DYM: variants seen among roughly 807,000 people sequenced by gnomAD.
The protein encoded by DYM is dyggve-Melchior-Clausen syndrome protein.
A neutral mutation model predicts 93.1 loss-of-function variants in DYM; 78 were observed. That is an observed-to-expected ratio of 0.84 (90% CI 0.70 to 1.01). DYM has a LOEUF of 1.01. DYM is among the 50% of genes least tolerant of loss of function. The pLI is 0.00. For synonymous variants in DYM, 321 were observed against 319.7 expected, an observed-to-expected ratio of 1.00 and a Z score of -0.04; for missense variants, 789 against 845.0, an observed-to-expected ratio of 0.93 and a Z score of 0.82.
intron 17 of DYM, among the ~76,000 whole-genome samples, chr18:49,080,052 G>A (rs1385269077): frequency 6.1e-5 from 9 of 148,016 alleles, no homozygotes; most frequent in Non-Finnish European, 1.2e-4. Context: ...CTTCCTAGTA[G>A]GGGTGGCCGG....
chr18:49,308,578 T>C (rs1024646481), intron 8 of DYM, among the ~76,000 whole-genome samples: 4 of 152,164 alleles, frequency 2.6e-5, no homozygotes, highest in African/African-American at 9.7e-5. Flanking sequence ...TATCAGCTAT[T>C]TCATGTCTGT....
At chr18:49,165,962 T>C (rs2087809611) in intron 14 of DYM, among the ~76,000 whole-genome samples, 1 of 151,946 alleles carries the variant, frequency 6.6e-6, no homozygotes, top group South Asian at 2.1e-4. Flanking sequence ...AGCAAGAAAA[T>C]TGGAATGGAG....
chr18:49,269,730 T>C (rs1445890046), intron 11 of DYM, among the ~76,000 whole-genome samples: 1 of 152,224 alleles, frequency 6.6e-6, no homozygotes, highest in Non-Finnish European at 1.5e-5. Flanking sequence ...CATGTGTTTG[T>C]GGTGACTTTA....
intron 15 of DYM, among the ~76,000 whole-genome samples, chr18:49,132,089 A>AG (rs1442796254): frequency 1.1e-4 from 16 of 152,214 alleles, no homozygotes; most frequent in Admixed American, 1.0e-3. Context: ...GATTATACCT[A>AG]GGAAATATTT....
At chr18:49,197,334 A>G (rs1015717809) in intron 14 of DYM, among the ~76,000 whole-genome samples, 1 of 152,094 alleles carries the variant, frequency 6.6e-6, no homozygotes, top group Non-Finnish European at 1.5e-5. Flanking sequence ...AATGTTTAAA[A>G]CCAAAAAGCA....
chr18:49,403,924 C>T (rs747193140), intron 2 of DYM, among the ~76,000 whole-genome samples: 11 of 151,978 alleles, frequency 7.2e-5, no homozygotes, highest in African/African-American at 1.5e-4. Flanking sequence ...GAATTCATTC[C>T]TTTTATGGCT....
intron 17 of DYM, among the ~76,000 whole-genome samples, chr18:49,084,348 A>G (rs544930718): frequency 6.6e-6 from 1 of 152,260 alleles, no homozygotes; most frequent in African/African-American, 2.4e-5. Context: ...AATCCTTTCA[A>G]ATCTGAGACT....
At chr18:49,303,988 C>T (rs1338225695) in intron 8 of DYM, among the ~76,000 whole-genome samples, 1 of 152,180 alleles carries the variant, frequency 6.6e-6, no homozygotes, top group African/African-American at 2.4e-5. Context: ...CACACAGACA[C>T]ACCACAGGTG....
chr18:49,140,802 T>G (rs1474640072), intron 15 of DYM, among the ~76,000 whole-genome samples: 1 of 152,204 alleles, frequency 6.6e-6, no homozygotes, highest in Non-Finnish European at 1.5e-5. Flanking sequence ...AGACTTCAAC[T>G]AAAAAACCTA....
At chr18:49,112,199 C>G (rs1299503338) in intron 16 of DYM, among the ~76,000 whole-genome samples, 1 of 139,462 alleles carries the variant, frequency 7.2e-6, no homozygotes, top group Non-Finnish European at 1.5e-5. Flanking sequence ...AAAGGTCTGG[C>G]AGGGGAATGA....
chr18:49,289,404 TAAAAAAAAAAAAAAAAAA>T lies in DYM; in HGVS notation c.764-2806_764-2789del, dbSNP rs56240607. 9.5e-4 allele frequency among the ~76,000 whole-genome samples: 32 copies of T among 33,508 alleles called. 1 individual carries two copies. Among genetic ancestry groups the T allele is most frequent in the Non-Finnish European group, 1.9e-4 (3 of 15,934 alleles). 22.0% of individuals were successfully genotyped at this position (33,508 alleles called of 152,430 possible). On this transcript the variant is annotated intron_variant, in intron 8 of 17. Coordinates refer to ENST00000675505, the MANE Select transcript of DYM (RefSeq NM_001353214.3). Reference sequence around the variant, plus strand: ...ATTTTTTTAAAAATCTACAAATCAGTAAAAAAAAAAAAAAAAAAAAAAAAAAAAGTAATCCAAAATTAA... The same window carrying T: ...ATTTTTTTAAAAATCTACAAATCAGTAAAAAAAAAAGTAATCCAAAATTAA...
chr18:49,333,658 T>C (rs2063467746), intron 7 of DYM, 70 bp downstream of exon 7: 5 of 1,524,798 alleles, frequency 3.3e-6, no homozygotes, highest in African/African-American at 1.4e-5. Context: ...GATACTCAGG[T>C]AAAAGGACAA....
chr18:49,339,510 G>A (rs2063928653), intron 6 of DYM, among the ~76,000 whole-genome samples: 1 of 151,940 alleles, frequency 6.6e-6, no homozygotes, highest in Non-Finnish European at 1.5e-5. Flanking sequence ...ATACTGAGAG[G>A]TCTACACGGC....
chr18:49,064,310 G>A (rs1310259489), intron 17 of DYM, among the ~76,000 whole-genome samples: 2 of 152,128 alleles, frequency 1.3e-5, no homozygotes, highest in Non-Finnish European at 2.9e-5. Context: ...CTATTCGTTG[G>A]TCAACAAAAT....
chr18:49,411,163 A>G (rs2072197978), intron 2 of DYM, among the ~76,000 whole-genome samples: 2 of 152,156 alleles, frequency 1.3e-5, no homozygotes. Context: ...CCAGATTAAT[A>G]CTCTTTCAAT....
intron 3 of DYM, among the ~76,000 whole-genome samples, chr18:49,390,165 A>C (rs2069061872): frequency 6.6e-6 from 1 of 152,226 alleles, no homozygotes; most frequent in Admixed American, 6.5e-5. Flanking sequence ...TAACACCTGT[A>C]ATATCCCAAC....
rs1448971433 is a variant in DYM at position 49,317,587 on chromosome 18, CTCTCTCTCTCCCCCCT to C, written c.763+14261_763+14276del. 7.2e-3 allele frequency among the ~76,000 whole-genome samples: 90 copies of C among 12,452 alleles called. 2 individuals are homozygous for C. Among genetic ancestry groups the C allele is most frequent in the African/African-American group, 0.048 (82 of 1,716 alleles). 8.2% of individuals were successfully genotyped at this position (12,452 alleles called of 152,430 possible). ...TCTCTCTCTCTCTCTCTCTCTCTCT[CTCTCTCTCTCCCCCCT>C]CCCCCCTCCCTCCCTCCCTCCCTCC... On this transcript the variant is annotated intron_variant, in intron 8 of 17. Coordinates refer to ENST00000675505, the MANE Select transcript of DYM (RefSeq NM_001353214.3).
chr18:49,237,215 C>CA (rs1160348509), intron 13 of DYM, among the ~76,000 whole-genome samples: 2 of 152,220 alleles, frequency 1.3e-5, no homozygotes, highest in East Asian at 3.9e-4. Context: ...TTCACACTGT[C>CA]ATACACTGTC....
intron 6 of DYM, among the ~76,000 whole-genome samples, chr18:49,342,616 G>A (rs2064251885): frequency 6.6e-6 from 1 of 152,038 alleles, no homozygotes. Flanking sequence ...GGGGAGGTGA[G>A]GATAATAAAA....
Sources: allele counts gnomAD v4.1 joint callset (sites outside exome capture counted in the v4.1 genomes callset), GRCh38; gene constraint gnomAD v4.1.1; transcripts MANE v1.5; gene names NCBI Gene and HGNC (gene_info 2026-07-23, HGNC 2026-07-21).